Variants in SBNO1 observed in about 807,000 individuals in gnomAD.
SBNO1 encodes strawberry notch homolog 1, also known as protein strawberry notch homolog 1.
SBNO1 carries 23 observed loss-of-function variants against 173.6 expected under a neutral mutation model. That is an observed-to-expected ratio of 0.13 (90% CI 0.10 to 0.19). The LOEUF (loss-of-function observed/expected upper bound fraction) is 0.19. SBNO1 is among the 10% of genes least tolerant of loss of function. The probability of loss-of-function intolerance (pLI) is 1.00; values close to 1 mark genes in which losing one functional copy is unlikely to be tolerated. For missense variants in SBNO1, 1,238 were observed against 1,671.2 expected, an observed-to-expected ratio of 0.74 and a Z score of 4.52; for synonymous variants, 632 against 571.5, an observed-to-expected ratio of 1.11 and a Z score of -1.51.
intron 10 of SBNO1, among the ~76,000 whole-genome samples, 165 bp downstream of exon 10, chr12:123,328,569 G>A (rs1224703087): frequency 6.6e-6 from 1 of 152,074 alleles, no homozygotes; most frequent in African/African-American, 2.4e-5. Context: ...CTATCTGACA[G>A]GTAAAAAACC....
chr12:123,357,120 A>G (rs1874551786), intron 1 of SBNO1, among the ~76,000 whole-genome samples: 1 of 152,180 alleles, frequency 6.6e-6, no homozygotes, highest in African/African-American at 2.4e-5. Flanking sequence ...AGTTACAAAG[A>G]AGTTAGTTTA....
intron 15 of SBNO1, among the ~76,000 whole-genome samples, chr12:123,324,317 CTTTT>C (rs1055395792): frequency 9.8e-6 from 1 of 102,264 alleles, no homozygotes. Flanking sequence ...GTATGTCTTG[CTTTT>C]TTCTTTTTTT....
chr12:123,326,267 T>A lies in SBNO1; in HGVS notation c.1760A>T (p.Lys587Met), dbSNP rs753447216. ...AGACCAGAACTGACCCCACATGGAC[T>A]TCTTCATTCGTTGCTCAGCATCAAT... ...DLIDAEQRMKKSMWGQFWSAH... is the reference protein window; with the variant it reads ...DLIDAEQRMKMSMWGQFWSAH... Residue 587 changes from lysine to methionine, a missense_variant, in exon 14 of 32, where the codon AAG (lysine) becomes ATG (methionine). Lys to Met is a moderately conservative substitution (Grantham distance 95, BLOSUM62 -1). This residue lies in a region of SBNO1 where 182 missense variants were observed against 339.9 expected (regional missense o/e 0.54). Coordinates refer to ENST00000602398, the MANE Select transcript of SBNO1 (RefSeq NM_001167856.3). 6.2e-7 allele frequency: 1 copy of A among 1,613,034 alleles called. No individual in the cohort carries two copies. The highest frequency in any genetic ancestry group is 8.5e-7 in the Non-Finnish European group (1 of 1,179,284).
intron 17 of SBNO1, 70 bp downstream of exon 17, chr12:123,321,465 T>A (rs1366518543): frequency 1.8e-6 from 2 of 1,134,084 alleles, no homozygotes; most frequent in African/African-American, 1.5e-5. Flanking sequence ...GAAGAAAAGG[T>A]TTCATATCCC....
intron 24 of SBNO1, among the ~76,000 whole-genome samples, chr12:123,311,736 A>C (rs11057258): frequency 0.045 from 5,788 of 128,788 alleles, 180 homozygotes; most frequent in South Asian, 0.1. Flanking sequence ...ATATATATAT[A>C]TATATATATA....
intron 7 of SBNO1, among the ~76,000 whole-genome samples, chr12:123,333,490 C>T (rs1369228792): frequency 6.6e-6 from 1 of 152,012 alleles, no homozygotes; most frequent in African/African-American, 2.4e-5. Context: ...TATACACACA[C>T]ATATACATAT....
intron 25 of SBNO1, among the ~76,000 whole-genome samples, chr12:123,310,232 G>A (rs961367956): frequency 3.9e-5 from 6 of 152,202 alleles, no homozygotes; most frequent in African/African-American, 1.2e-4. Context: ...GTAATTTTTC[G>A]TTTTGTTTTG....
chr12:123,322,868 G>A (rs1029764047), intron 16 of SBNO1, among the ~76,000 whole-genome samples: 7 of 150,486 alleles, frequency 4.7e-5, no homozygotes, highest in African/African-American at 1.2e-4. Context: ...TGACGGAGAC[G>A]GAGACCCTGT....
At chr12:123,311,745 TA>T (rs1868588284) in intron 24 of SBNO1, among the ~76,000 whole-genome samples, 5 of 142,732 alleles carry the variant, frequency 3.5e-5, no homozygotes, top group African/African-American at 1.0e-4. Context: ...TATATATATA[TA>T]TATTTTTGCG....
At position 123,345,551 on chromosome 12, in the gene SBNO1, G is replaced by A; in HGVS notation, c.257C>T (p.Thr86Ile). 2 of 1,613,554 alleles carry A rather than the reference G, an allele frequency of 1.2e-6. No homozygotes were observed. Among genetic ancestry groups the A allele is most frequent in the Non-Finnish European group, 1.7e-6 (2 of 1,179,510 alleles). The change falls in exon 4 of 32, where the codon ACA becomes ATA. Residue 86 changes from threonine to isoleucine, a missense_variant. Thr to Ile is a moderately conservative substitution (Grantham distance 89). Coordinates refer to ENST00000602398, the MANE Select transcript of SBNO1 (RefSeq NM_001167856.3). The stretch of plus-strand genomic sequence containing the variant: ...ATTTATTTGATTCAGCACAAATGTT[G>A]TAGTAGATGGAGGCTGCTGCTAGAT... ...LNVRQQPPSTTTFVLNQINHL... is the reference protein window; with the variant it reads ...LNVRQQPPSTITFVLNQINHL...
At chr12:123,298,352 T>C (rs1488186569) in intron 30 of SBNO1, among the ~76,000 whole-genome samples, 181 bp from the exon 31 acceptor site, 1 of 152,170 alleles carries the variant, frequency 6.6e-6, no homozygotes, top group Non-Finnish European at 1.5e-5. Context: ...TTGCAACCTC[T>C]GCCTCCCAGG....
intron 1 of SBNO1, chr12:123,363,780 G>C: frequency 2.4e-6 from 2 of 848,122 alleles, no homozygotes; most frequent in Non-Finnish European, 2.8e-6. Flanking sequence ...GAGCTTCTCT[G>C]TGCGAGGATC....
intron 1 of SBNO1, among the ~76,000 whole-genome samples, chr12:123,355,998 A>G (rs1397129593): frequency 6.6e-6 from 1 of 152,164 alleles, no homozygotes; most frequent in African/African-American, 2.4e-5. Flanking sequence ...GAAAGTTACC[A>G]AGGGGGACAA....
chr12:123,346,305 CT>C (rs1463675422), intron 3 of SBNO1, among the ~76,000 whole-genome samples: 1 of 152,160 alleles, frequency 6.6e-6, no homozygotes, highest in African/African-American at 2.4e-5. Context: ...GACATTTTCA[CT>C]TTTTTCCTCC....
chr12:123,297,850 C>A, intron 31 of SBNO1, 128 bp downstream of exon 31: 1 of 766,500 alleles, frequency 1.3e-6, no homozygotes, highest in Non-Finnish European at 2.2e-6. Context: ...AAATATAAAA[C>A]GGGTCCCATA....
intron 12 of SBNO1, 49 bp downstream of exon 12, chr12:123,327,658 C>T (rs1403241935): frequency 6.3e-7 from 1 of 1,587,838 alleles, no homozygotes; most frequent in African/African-American, 1.3e-5. Flanking sequence ...AGGAATAACA[C>T]ACTTCTTAGA....
intron 13 of SBNO1, among the ~76,000 whole-genome samples, chr12:123,327,192 G>A (rs1870709241): frequency 6.6e-6 from 1 of 151,914 alleles, no homozygotes; most frequent in African/African-American, 2.4e-5. Flanking sequence ...CGTATTTTTA[G>A]TAGAGATGAG....
chr12:123,337,911 T>C (rs1872045049), intron 5 of SBNO1, among the ~76,000 whole-genome samples: 1 of 152,154 alleles, frequency 6.6e-6, no homozygotes, highest in Admixed American at 6.5e-5. Context: ...CATCATAAAA[T>C]TGATGATAAT....
intron 9 of SBNO1, among the ~76,000 whole-genome samples, chr12:123,329,235 G>C (rs2138996120): frequency 1.3e-5 from 2 of 152,152 alleles, no homozygotes; most frequent in Admixed American, 1.3e-4. Flanking sequence ...ACAAAAATTA[G>C]CCAGGCATCG....
Sources: allele counts gnomAD v4.1 joint callset (sites outside exome capture counted in the v4.1 genomes callset), GRCh38; gene constraint gnomAD v4.1.1; regional missense constraint gnomAD v4.1.1; transcripts MANE v1.5; gene names NCBI Gene and HGNC (gene_info 2026-07-23, HGNC 2026-07-21).